The following SNTN variants were observed in gnomAD, a reference collection of about 807,000 sequenced individuals.
SNTN encodes sentan.
SNTN carries 13 observed loss-of-function variants against 12.3 expected under a neutral mutation model. The observed-to-expected ratio is 1.05, with a 90% CI of 0.69 to 1.67. The LOEUF (loss-of-function observed/expected upper bound fraction) is 1.67. Among genes scored for constraint, SNTN ranks in the 40% most tolerant of loss-of-function variants. The probability of loss-of-function intolerance (pLI) is 0.00; values close to 1 mark genes in which losing one functional copy is unlikely to be tolerated. For synonymous variants in SNTN, 69 were observed against 58.5 expected (o/e 1.18, Z -0.82); for missense variants, 189 against 169.8 (o/e 1.11, Z -0.63).
chr3:63,659,666 G>T, intron 2 of SNTN, 59 bp from the exon 3 acceptor site: 1 of 1,600,416 alleles, frequency 6.2e-7, no homozygotes, highest in Non-Finnish European at 8.5e-7. Flanking sequence ...ACAACAGCAG[G>T]TCTGGGGAAG....
chr3:63,660,809 C>T (rs1203489087), intron 3 of SNTN, among the ~76,000 whole-genome samples: 1 of 152,112 alleles, frequency 6.6e-6, no homozygotes, highest in Non-Finnish European at 1.5e-5. Flanking sequence ...GAAGACTTAG[C>T]AACAGGACAG....
intron 2 of SNTN, among the ~76,000 whole-genome samples, chr3:63,656,615 A>T (rs1173213267): frequency 6.6e-6 from 1 of 152,198 alleles, no homozygotes; most frequent in Non-Finnish European, 1.5e-5. Context: ...TTACTTCTTT[A>T]AAGTGGCCAT....
rs186301407 is a variant in SNTN, at chr3:63,660,329, G to A, written c.285+465G>A. Among the ~76,000 whole-genome samples, 136 of 152,198 alleles carry A rather than the reference G, an allele frequency of 8.9e-4. 1 individual carries two copies. Among genetic ancestry groups the A allele is most frequent in the African/African-American group, 3.1e-3 (127 of 41,536 alleles). On this transcript the variant is annotated intron_variant, in intron 3 of 3. Transcript: ENST00000343837. ...TGGTTAGAGATGAGGCTGGGGAGGC[G>A]AGGAGAAGCCAAATCTTACAGAAGC...
intron 3 of SNTN, among the ~76,000 whole-genome samples, chr3:63,661,786 G>C (rs979582483): frequency 6.6e-6 from 1 of 151,784 alleles, no homozygotes; most frequent in Non-Finnish European, 1.5e-5. Context: ...CCACATCCAA[G>C]GCCAAAAGAA....
intron 2 of SNTN, 92 bp from the exon 3 acceptor site, chr3:63,659,633 T>C: frequency 6.8e-7 from 1 of 1,464,770 alleles, no homozygotes; most frequent in Non-Finnish European, 9.4e-7. Flanking sequence ...TTTAGAAGGT[T>C]CCCTACAGTT....
At chr3:63,653,988 C>T (rs1239307624) in intron 1 of SNTN, among the ~76,000 whole-genome samples, 1 of 152,178 alleles carries the variant, frequency 6.6e-6, no homozygotes, top group Non-Finnish European at 1.5e-5. Context: ...CATAAGTTTC[C>T]TCTGCATGGA....
chr3:63,656,074 T>C (rs1157162166), intron 2 of SNTN, among the ~76,000 whole-genome samples: 1 of 152,200 alleles, frequency 6.6e-6, no homozygotes, highest in African/African-American at 2.4e-5. Flanking sequence ...CTCCTGTAGG[T>C]CTTCACATCA....
intron 3 of SNTN, 94 bp downstream of exon 3, chr3:63,659,958 G>C: frequency 2.7e-6 from 4 of 1,460,948 alleles, no homozygotes; most frequent in Non-Finnish European, 3.8e-6. Flanking sequence ...CTGTCATGTT[G>C]TCTCACGTAA....
chr3:63,665,063 T>C lies in SNTN; in HGVS notation c.*968T>C, dbSNP rs961959121. Among the ~76,000 whole-genome samples the C allele has an allele frequency of 1.3e-5, 2 of 152,056 alleles. No individual in the cohort carries two copies. The highest frequency in any genetic ancestry group is 2.9e-5 in the Non-Finnish European group (2 of 68,016). ...CCACCAAGTCTGGCCAAGGGGACTT[T>C]TAAGGGGGCTGGAAATGGTCTCCAT... On this transcript the variant is annotated 3_prime_UTR_variant, in exon 4 of 4. Coordinates refer to ENST00000343837, the MANE Select transcript of SNTN (RefSeq NM_001080537.2).
chr3:63,664,807 C>T lies in SNTN; in HGVS notation c.*712C>T, dbSNP rs890002294. On this transcript the variant is annotated 3_prime_UTR_variant, in exon 4 of 4. Transcript: ENST00000343837. ...TGCTCTTGTTGCCCAGGCTGGAGTG[C>T]AATGGCACGATCTCAGCTTACTGCA... 2.6e-5 allele frequency: 4 copies of T among 151,996 alleles called. No homozygotes were observed. The highest frequency in any genetic ancestry group is 5.9e-5 in the Non-Finnish European group (4 of 68,050). The allele number at this position is 151,996 out of a possible 1,614,324, so 9.4% of individuals were successfully genotyped here. A position where few individuals can be genotyped will look rare whatever the true frequency, so the allele number is the denominator to read the frequency against.
intron 1 of SNTN, 151 bp from the exon 2 acceptor site, chr3:63,654,611 G>C: frequency 6.2e-6 from 4 of 644,224 alleles, no homozygotes; most frequent in Non-Finnish European, 1.0e-5. Flanking sequence ...GGAGAAAAAG[G>C]ATTTTGAAAC....
chr3:63,664,183 T>G lies in SNTN; in HGVS notation c.*88T>G, dbSNP rs1383507869. ...TTATTTTTGATTAATTGAATATATC[T>G]ATCATGCATCTGAAATTGCCTAGGA... On this transcript the variant is annotated 3_prime_UTR_variant, in exon 4 of 4. Transcript: ENST00000343837. The G allele has an allele frequency of 5.4e-6, 7 of 1,295,564 alleles. No individual in the cohort carries two copies. The highest frequency in any genetic ancestry group is 2.7e-4 in the Middle Eastern group (1 of 3,730). The allele number at this position is 1,295,564 out of a possible 1,614,324, so 80.3% of individuals were successfully genotyped here.
At chr3:63,658,920 C>T (rs1421290446) in intron 2 of SNTN, among the ~76,000 whole-genome samples, 1 of 152,194 alleles carries the variant, frequency 6.6e-6, no homozygotes, top group African/African-American at 2.4e-5. Context: ...GACATTTGTA[C>T]TGTCACTGGG....
At chr3:63,654,294 A>C (rs959056325) in intron 1 of SNTN, among the ~76,000 whole-genome samples, 4 of 152,198 alleles carry the variant, frequency 2.6e-5, no homozygotes, top group African/African-American at 9.7e-5. Context: ...CAGAATGCGA[A>C]GTCCTTTTTT....
chr3:63,654,679 A>G, intron 1 of SNTN, 83 bp from the exon 2 acceptor site: 1 of 1,216,066 alleles, frequency 8.2e-7, no homozygotes, highest in South Asian at 1.4e-5. Context: ...ACAATTTTTA[A>G]ATCATTATAT....
In SNTN at chr3:63,654,913, T is replaced by C. The variant is rs372007815; in HGVS notation, c.145+117T>C. 1.5e-5 allele frequency: 13 copies of C among 896,038 alleles called. No individual in the cohort carries two copies. In the African/African-American group the frequency reaches 1.8e-4, roughly 13 times the overall value. The allele number at this position is 896,038 out of a possible 1,614,324, so 55.5% of individuals were successfully genotyped here. A position where few individuals can be genotyped will look rare whatever the true frequency, so the allele number is the denominator to read the frequency against. ...CCAGAGATGTAAGGGAACTTTTGAA[T>C]AAATCATCAAATATTCATGATGTTC... is the stretch of plus-strand genomic sequence containing the variant. On this transcript the variant is annotated intron_variant, in intron 2 of 3. Transcript: ENST00000343837.
chr3:63,664,010 T>C lies in SNTN; in HGVS notation c.359T>C (p.Phe120Ser). The C allele has an allele frequency of 6.2e-7, 1 of 1,614,028 alleles. No homozygotes were observed. Among genetic ancestry groups the C allele is most frequent in the Non-Finnish European group, 8.5e-7 (1 of 1,179,946 alleles). The part of the protein sequence containing the change: ...LDEHTENKLD[F>S]EDFMILLLSI... Reference sequence around the variant, plus strand: ...GAGCACACAGAAAATAAGCTAGATTTTGAAGACTTCATGATCTTGCTCTTA... The same window carrying C: ...GAGCACACAGAAAATAAGCTAGATTCTGAAGACTTCATGATCTTGCTCTTA... The change falls in exon 4 of 4, where the codon TTT (phenylalanine) becomes TCT (serine). Residue 120 changes from phenylalanine to serine, a missense_variant. Coordinates refer to ENST00000343837, the MANE Select transcript of SNTN (RefSeq NM_001080537.2).
At position 63,658,479 on chromosome 3, in the gene SNTN, A is replaced by G. The variant is rs576492946; in HGVS notation, c.146-1246A>G. Among the ~76,000 whole-genome samples, 280 of 151,540 alleles carry G rather than the reference A, an allele frequency of 1.8e-3. 2 individuals carry two copies. Among genetic ancestry groups the G allele is most frequent in the Admixed American group, 4.1e-3 (63 of 15,194 alleles). ...ATACAATAACAGAAAAAATAAATACATGTGTATACATATACATACTCTTGA... is the reference window on the plus strand; with the variant it reads ...ATACAATAACAGAAAAAATAAATACGTGTGTATACATATACATACTCTTGA... On this transcript the variant is annotated intron_variant, in intron 2 of 3. Transcript: ENST00000343837.
At chr3:63,661,710 A>G (rs1433763386) in intron 3 of SNTN, among the ~76,000 whole-genome samples, 1 of 150,584 alleles carries the variant, frequency 6.6e-6, no homozygotes. Context: ...GGCAGAATTT[A>G]TCAAGAGATA....
Sources: gnomAD v4.1 joint callset for allele counts (sites outside exome capture counted in the v4.1 genomes callset) on GRCh38, gnomAD v4.1.1 for gene constraint, MANE v1.5 for transcripts, NCBI Gene and HGNC (gene_info 2026-07-23, HGNC 2026-07-21) for gene names.